BAZ2B: variants seen among roughly 807,000 people sequenced by gnomAD.
BAZ2B encodes bromodomain adjacent to zinc finger domain 2B, also known as bromodomain adjacent to zinc finger domain protein 2B.
In BAZ2B, 91 loss-of-function variants were observed where a neutral mutation model predicts 246.0. The observed-to-expected ratio is 0.37, with a 90% CI of 0.31 to 0.44. The LOEUF (loss-of-function observed/expected upper bound fraction) is 0.44, where lower values mean the gene tolerates loss of function less well. Ranked by LOEUF, BAZ2B falls within the 20% of genes least tolerant of loss-of-function variation. The probability of loss-of-function intolerance (pLI) is 1.00; values close to 1 mark genes in which losing one functional copy is unlikely to be tolerated. For missense variants in BAZ2B, 2,332 were observed against 2,533.7 expected (o/e 0.92, Z 1.71); for synonymous variants, 855 against 860.0 (o/e 0.99, Z 0.10).
At chr2:159,540,408 A>G (rs1195682255) in intron 2 of BAZ2B, among the ~76,000 whole-genome samples, 1 of 152,224 alleles carries the variant, frequency 6.6e-6, no homozygotes, top group African/African-American at 2.4e-5. Context: ...TAATTAAATG[A>G]GAGAGATTGG....
intron 2 of BAZ2B, among the ~76,000 whole-genome samples, chr2:159,518,036 C>T (rs575718106): frequency 1.3e-5 from 2 of 152,234 alleles, no homozygotes; most frequent in African/African-American, 2.4e-5. Flanking sequence ...AGATGTAATT[C>T]CTACCACATA....
the BAZ2B span, among the ~76,000 whole-genome samples, chr2:159,666,609 C>A: frequency 6.6e-6 from 1 of 151,986 alleles, no homozygotes; most frequent in Non-Finnish European, 1.5e-5. Flanking sequence ...GTAATCCCAG[C>A]ATTTAGGAGG....
intron 1 of BAZ2B, among the ~76,000 whole-genome samples, chr2:159,572,471 C>CA (rs1163214607): frequency 2.0e-5 from 3 of 152,066 alleles, no homozygotes; most frequent in Non-Finnish European, 4.4e-5. Context: ...ATTGTTGAGA[C>CA]AAAGTTGGTG....
At chr2:159,425,553 A>G (rs1410588996) in intron 13 of BAZ2B, among the ~76,000 whole-genome samples, 3 of 152,200 alleles carry the variant, frequency 2.0e-5, no homozygotes, top group Admixed American at 2.0e-4. Flanking sequence ...GTAGAAAGCA[A>G]AAAAAATCCT....
rs1462765265 is a variant in BAZ2B, at chr2:159,370,297, T to C, written c.4213+2748A>G. 2.7e-5 allele frequency among the ~76,000 whole-genome samples: 4 copies of C among 150,800 alleles called. No homozygotes were observed. In the East Asian group the frequency reaches 7.8e-4, roughly 29 times the overall value. ...AACAAATCTGCACGTTGTGCACATG[T>C]ACCCTAGAACTTAAAGTATAATAAA... On this transcript the variant is annotated intron_variant, in intron 27 of 36. Coordinates refer to ENST00000392783, the MANE Select transcript of BAZ2B (RefSeq NM_013450.4).
At chr2:159,332,849 A>G in intron 33 of BAZ2B, 163 bp from the exon 34 acceptor site, 1 of 773,294 alleles carries the variant, frequency 1.3e-6, no homozygotes, top group South Asian at 1.9e-5. Flanking sequence ...CGTTACACAG[A>G]TATGGACCAC....
intron 3 of BAZ2B, among the ~76,000 whole-genome samples, chr2:159,474,278 T>C (rs2078212599): frequency 6.6e-6 from 1 of 152,248 alleles, no homozygotes; most frequent in South Asian, 2.1e-4. Context: ...TAGTTAGCTC[T>C]TCTTTTTGCA....
chr2:159,365,240 G>A (rs370477117), intron 27 of BAZ2B, among the ~76,000 whole-genome samples: 11 of 152,062 alleles, frequency 7.2e-5, no homozygotes, highest in Non-Finnish European at 1.2e-4. Flanking sequence ...TCTTAACCAC[G>A]GGCAGTATAG....
At chr2:159,664,889 C>A in the BAZ2B span, among the ~76,000 whole-genome samples, 1 of 149,524 alleles carries the variant, frequency 6.7e-6, no homozygotes, top group East Asian at 2.0e-4. Flanking sequence ...TAATTAGATC[C>A]CATTTGTCAA....
intron 2 of BAZ2B, among the ~76,000 whole-genome samples, chr2:159,499,191 C>T (rs1020899261): frequency 6.0e-4 from 91 of 152,234 alleles, no homozygotes; most frequent in African/African-American, 2.0e-3. Context: ...CCCGCCACTC[C>T]GACATGCACC....
chr2:159,324,727 A>G, intron 36 of BAZ2B, 84 bp downstream of exon 36: 1 of 957,298 alleles, frequency 1.0e-6, no homozygotes, highest in Non-Finnish European at 1.4e-6. Flanking sequence ...GCTGTTAATT[A>G]AAATATCTTT....
At chr2:159,585,780 G>A (rs192435082) in intron 1 of BAZ2B, among the ~76,000 whole-genome samples, 2 of 152,332 alleles carry the variant, frequency 1.3e-5, no homozygotes, top group African/African-American at 4.8e-5. Context: ...TCAATGACTA[G>A]GACTTTGTCC....
the BAZ2B span, among the ~76,000 whole-genome samples, chr2:159,675,245 A>T: frequency 7.9e-5 from 12 of 152,170 alleles, no homozygotes; most frequent in African/African-American, 2.9e-4. Context: ...GCAATAAAAT[A>T]TTAAAAATTT....
chr2:159,624,693 C>T, the BAZ2B span, among the ~76,000 whole-genome samples: 5 of 152,094 alleles, frequency 3.3e-5, no homozygotes, highest in South Asian at 1.0e-3. Flanking sequence ...ACATGAAGCA[C>T]CAAAGGTAGA....
At chr2:159,387,732 T>C (rs1374027524) in intron 21 of BAZ2B, among the ~76,000 whole-genome samples, 3 of 152,118 alleles carry the variant, frequency 2.0e-5, no homozygotes, top group Non-Finnish European at 4.4e-5. Flanking sequence ...TAAAATGGAC[T>C]TACATATTTG....
intron 1 of BAZ2B, among the ~76,000 whole-genome samples, chr2:159,574,422 A>C (rs986723789): frequency 1.3e-5 from 2 of 152,314 alleles, no homozygotes; most frequent in Non-Finnish European, 2.9e-5. Flanking sequence ...ACACAATGCC[A>C]GTGGGATTGC....
chr2:159,592,528 T>C (rs1689634738), intron 1 of BAZ2B, among the ~76,000 whole-genome samples: 1 of 152,216 alleles, frequency 6.6e-6, no homozygotes, highest in Admixed American at 6.5e-5. Flanking sequence ...TTCTTTCCTC[T>C]TTCACAACAT....
At position 159,602,464 on chromosome 2, in the gene BAZ2B, G is replaced by A. The variant is rs181085816; in HGVS notation, c.-46+13778C>T. On this transcript the variant is annotated intron_variant, in intron 1 of 36. Transcript: ENST00000392783. ...CTTACAGTCAATAAATTATAATAGG[G>A]TAATAAACACTCAAAACATTACTTC... Among the ~76,000 whole-genome samples, 540 of 152,114 alleles carry A rather than the reference G, an allele frequency of 3.5e-3. 2 individuals are homozygous for A. Among genetic ancestry groups the A allele is most frequent in the Middle Eastern group, 0.017 (5 of 294 alleles).
chr2:159,636,112 G>A, the BAZ2B span, among the ~76,000 whole-genome samples: 1 of 152,126 alleles, frequency 6.6e-6, no homozygotes, highest in Non-Finnish European at 1.5e-5. Flanking sequence ...GGCAGAGCAC[G>A]GTGGCAGAAT....
Sources: allele counts gnomAD v4.1 joint callset (sites outside exome capture counted in the v4.1 genomes callset), GRCh38; gene constraint gnomAD v4.1.1; transcripts MANE v1.5; gene names NCBI Gene and HGNC (gene_info 2026-07-23, HGNC 2026-07-21).